CACNA1C: variants seen among roughly 807,000 people sequenced by gnomAD.
CACNA1C encodes voltage-dependent L-type calcium channel subunit alpha-1C.
In CACNA1C, 30 loss-of-function variants were observed where a neutral mutation model predicts 229.0. That is an observed-to-expected ratio of 0.13 (90% CI 0.10 to 0.18). The LOEUF is 0.18. Among genes scored for constraint, CACNA1C ranks in the 10% least tolerant of loss-of-function variants. CACNA1C has a pLI of 1.00. For missense variants in CACNA1C, 1,658 were observed against 2,845.0 expected (o/e 0.58, Z 9.49); for synonymous variants, 1,114 against 1,132.5 (o/e 0.98, Z 0.33).
intron 3 of CACNA1C, among the ~76,000 whole-genome samples, chr12:2,404,191 C>T (rs763125478): frequency 1.6e-4 from 24 of 152,190 alleles, no homozygotes; most frequent in African/African-American, 4.6e-4. Context: ...TGAAGTGCCC[C>T]GGGAAACTCG....
At chr12:2,376,394 T>A (rs2098068453) in intron 3 of CACNA1C, among the ~76,000 whole-genome samples, 1 of 152,028 alleles carries the variant, frequency 6.6e-6, no homozygotes, top group African/African-American at 2.4e-5. Context: ...TACCTGTGCT[T>A]GAGGAGGGGG....
chr12:2,592,560 G>T (rs2065887244), intron 18 of CACNA1C, among the ~76,000 whole-genome samples: 1 of 152,234 alleles, frequency 6.6e-6, no homozygotes, highest in Non-Finnish European at 1.5e-5. Context: ...ACAGGAATAA[G>T]CTGTCTGACT....
intron 30 of CACNA1C, among the ~76,000 whole-genome samples, chr12:2,637,374 C>G (rs1383419725): frequency 2.0e-5 from 3 of 152,216 alleles, no homozygotes; most frequent in Admixed American, 6.5e-5. Context: ...GGCCTAGTCT[C>G]CAACCAAGAC....
At chr12:2,321,823 A>C (rs753331954) in intron 3 of CACNA1C, among the ~76,000 whole-genome samples, 2 of 152,196 alleles carry the variant, frequency 1.3e-5, no homozygotes, top group African/African-American at 2.4e-5. Flanking sequence ...TGGGGCAGGA[A>C]TGAATGAAGT....
At chr12:2,095,801 G>T (rs2073687672) in intron 1 of CACNA1C, among the ~76,000 whole-genome samples, 1 of 152,252 alleles carries the variant, frequency 6.6e-6, no homozygotes, top group African/African-American at 2.4e-5. Context: ...TGATGCCAGA[G>T]AAACTGGAAG....
chr12:2,073,061 G>T (rs73046488), intron 1 of CACNA1C, among the ~76,000 whole-genome samples: 3,167 of 152,206 alleles, frequency 0.021, 52 homozygotes, highest in Middle Eastern at 0.037. Flanking sequence ...TCTCAGTGGC[G>T]GCAACACGGA....
chr12:2,152,769 G>A lies in CACNA1C; in HGVS notation c.477+32339G>A, dbSNP rs2095351201. The stretch of plus-strand genomic sequence containing the variant: ...AGTAACACAAAAAAGTCAGGACATG[G>A]AACCAGGAGGTGGAAGTGCCTTGTT... On this transcript the variant is annotated intron_variant, in intron 3 of 46. Transcript: ENST00000399655. The surrounding 1 kb of genome is among the most constrained non-coding windows in gnomAD (Gnocchi z 4.2). Among the ~76,000 whole-genome samples, 2 of 152,208 alleles carry A rather than the reference G, an allele frequency of 1.3e-5. No individual in the cohort carries two copies. The highest frequency in any genetic ancestry group is 3.9e-4 in the East Asian group (2 of 5,192).
intron 9 of CACNA1C, among the ~76,000 whole-genome samples, chr12:2,523,722 T>C (rs1049363529): frequency 6.6e-6 from 1 of 152,216 alleles, no homozygotes; most frequent in Non-Finnish European, 1.5e-5. Context: ...GATTTGACTT[T>C]AATTTGGTGC....
intron 3 of CACNA1C, among the ~76,000 whole-genome samples, chr12:2,372,230 T>A (rs1277000988): frequency 2.0e-5 from 3 of 152,216 alleles, no homozygotes. Context: ...CGTCGTCATC[T>A]CCATTCAAAG....
At chr12:2,211,280 A>G (rs1206541144) in intron 3 of CACNA1C, among the ~76,000 whole-genome samples, 2 of 152,212 alleles carry the variant, frequency 1.3e-5, no homozygotes, top group African/African-American at 4.8e-5. Context: ...CTTACACCTC[A>G]CAGTAACCAT....
chr12:1,974,623 G>A (rs1490261456), intron 1 of CACNA1C, among the ~76,000 whole-genome samples: 1 of 152,006 alleles, frequency 6.6e-6, no homozygotes, highest in Non-Finnish European at 1.5e-5. Context: ...GAAAAACAAA[G>A]GACAAATAAT....
intron 3 of CACNA1C, among the ~76,000 whole-genome samples, chr12:2,182,311 G>A (rs1228668161): frequency 1.3e-5 from 2 of 152,076 alleles, no homozygotes; most frequent in African/African-American, 4.8e-5. Flanking sequence ...TTACAGTGAT[G>A]GGTTCATGCA....
intron 30 of CACNA1C, among the ~76,000 whole-genome samples, chr12:2,640,505 G>T (rs912163144): frequency 3.9e-5 from 6 of 152,218 alleles, no homozygotes; most frequent in African/African-American, 1.4e-4. Flanking sequence ...CGTGTCTCTG[G>T]TTACAGGGAA....
chr12:2,329,169 C>T (rs781695197), intron 3 of CACNA1C, among the ~76,000 whole-genome samples: 2 of 152,178 alleles, frequency 1.3e-5, no homozygotes, highest in Non-Finnish European at 2.9e-5. Flanking sequence ...CACCGCAGAT[C>T]GATGCTGCTG....
chr12:2,201,004 T>C (rs768822011), intron 3 of CACNA1C, among the ~76,000 whole-genome samples: 4 of 152,248 alleles, frequency 2.6e-5, no homozygotes, highest in African/African-American at 9.6e-5. Context: ...GTATTCTTTT[T>C]TGCAATATCT....
Position 2,155,111 on chromosome 12 carries a change from G to A in CACNA1C, c.477+34681G>A, listed in dbSNP as rs185639231. On this transcript the variant is annotated intron_variant, in intron 3 of 46. Transcript: ENST00000399655. ...ATAATTCTCTTGCAATCCCACAGGC[G>A]CACACATACACAGAGGCGTCACACA... Among the ~76,000 whole-genome samples, 537 of 152,254 alleles carry A rather than the reference G, an allele frequency of 3.5e-3. 5 individuals are homozygous for A. Among genetic ancestry groups the A allele is most frequent in the African/African-American group, 0.012 (510 of 41,534 alleles).
chr12:2,378,022 G>A (rs547123117), intron 3 of CACNA1C, among the ~76,000 whole-genome samples: 68 of 152,254 alleles, frequency 4.5e-4, no homozygotes, highest in African/African-American at 1.6e-3. Context: ...AGAGGGTTGG[G>A]GTGAGTGTGA....
At chr12:2,253,910 G>C (rs913699932) in intron 3 of CACNA1C, among the ~76,000 whole-genome samples, 1 of 152,156 alleles carries the variant, frequency 6.6e-6, no homozygotes, top group Non-Finnish European at 1.5e-5. Context: ...ACTGGAGAGA[G>C]AAAACTTTGA....
chr12:2,635,783 C>A (rs1248079961), intron 30 of CACNA1C, among the ~76,000 whole-genome samples: 1 of 152,050 alleles, frequency 6.6e-6, no homozygotes, highest in Non-Finnish European at 1.5e-5. Flanking sequence ...TGAGAACTGT[C>A]TTTGTCCGGT....
Sources: gnomAD v4.1 joint callset for allele counts (sites outside exome capture counted in the v4.1 genomes callset) on GRCh38, gnomAD v4.1.1 for gene constraint, Gnocchi (gnomAD v3.1) non-coding constraint, MANE v1.5 for transcripts, NCBI Gene and HGNC (gene_info 2026-07-23, HGNC 2026-07-21) for gene names.